SGMS2: variants seen among roughly 807,000 people sequenced by gnomAD.
SGMS2 encodes the protein sphingomyelin synthase 2.
SGMS2 carries 21 observed loss-of-function variants against 43.8 expected under a neutral mutation model. The ratio of observed to expected loss-of-function variants is 0.48; its 90% confidence interval spans 0.34 to 0.69. The LOEUF (loss-of-function observed/expected upper bound fraction) is 0.69, where lower values mean the gene tolerates loss of function less well. Among genes scored for constraint, SGMS2 ranks in the 30% least tolerant of loss-of-function variants. SGMS2 has a pLI of 0.01. For synonymous variants in SGMS2, 167 were observed against 160.6 expected, an observed-to-expected ratio of 1.04 and a Z score of -0.30; for missense variants, 384 against 443.2, an observed-to-expected ratio of 0.87 and a Z score of 1.20.
intron 1 of SGMS2, among the ~76,000 whole-genome samples, chr4:107,856,453 A>C (rs1021722246): frequency 6.6e-6 from 1 of 152,210 alleles, no homozygotes; most frequent in Non-Finnish European, 1.5e-5. Context: ...TAACTGAATA[A>C]AATCTATAAG....
At chr4:107,856,011 T>A (rs966918543) in intron 1 of SGMS2, among the ~76,000 whole-genome samples, 1 of 152,100 alleles carries the variant, frequency 6.6e-6, no homozygotes, top group Non-Finnish European at 1.5e-5. Flanking sequence ...TTCATAAACA[T>A]CAAGCTTTGC....
intron 5 of SGMS2, among the ~76,000 whole-genome samples, chr4:107,903,691 T>C (rs1444923727): frequency 6.6e-6 from 1 of 152,206 alleles, no homozygotes; most frequent in Non-Finnish European, 1.5e-5. Context: ...CTTCTTAAGG[T>C]ATGAAAAGCT....
intron 5 of SGMS2, among the ~76,000 whole-genome samples, chr4:107,905,917 G>T (rs981216186): frequency 3.2e-4 from 48 of 152,220 alleles, no homozygotes; most frequent in African/African-American, 1.1e-3. Context: ...TTCTAAAATT[G>T]TGTACATTTA....
At chr4:107,833,142 A>C (rs1351869419) in intron 1 of SGMS2, among the ~76,000 whole-genome samples, 1 of 152,198 alleles carries the variant, frequency 6.6e-6, no homozygotes, top group African/African-American at 2.4e-5. Context: ...GGAAGCATGC[A>C]TTCTCCCATC....
At chr4:107,879,980 CTGTT>C (rs1729220944) in intron 2 of SGMS2, among the ~76,000 whole-genome samples, 1 of 152,150 alleles carries the variant, frequency 6.6e-6, no homozygotes, top group South Asian at 2.1e-4. Context: ...TACTTTGTAT[CTGTT>C]TGTTAGGCCG....
intron 1 of SGMS2, among the ~76,000 whole-genome samples, chr4:107,840,853 T>TAGAAAAG (rs1428728619): frequency 6.6e-6 from 1 of 152,148 alleles, no homozygotes; most frequent in African/African-American, 2.4e-5. Context: ...GGTTAATCTC[T>TAGAAAAG]AGAAAAGAGT....
chr4:107,911,901 G>A lies in SGMS2; in HGVS notation c.*1348G>A, dbSNP rs528564713. The A allele has an allele frequency of 3.3e-5, 5 of 152,266 alleles. No homozygotes were observed. The highest frequency in any genetic ancestry group is 9.6e-5 in the African/African-American group (4 of 41,550). The allele number at this position is 152,266 out of a possible 1,614,324, so 9.4% of individuals were successfully genotyped here. ...GGATAATTCTTGGCTTAATTTCTTA[G>A]CTACTTGAAGGTTAATTTGCAAGAC... On this transcript the variant is annotated 3_prime_UTR_variant, in exon 7 of 7. Transcript: ENST00000690982.
intron 2 of SGMS2, among the ~76,000 whole-genome samples, chr4:107,876,150 C>T (rs1728899107): frequency 6.6e-6 from 1 of 152,106 alleles, no homozygotes; most frequent in Non-Finnish European, 1.5e-5. Context: ...TAGCACAGAG[C>T]ACAAAGCACA....
At chr4:107,854,006 T>C (rs1727291258) in intron 1 of SGMS2, among the ~76,000 whole-genome samples, 1 of 152,250 alleles carries the variant, frequency 6.6e-6, no homozygotes, top group Admixed American at 6.5e-5. Context: ...ATCTATTTTC[T>C]ATTCTCTTTA....
At chr4:107,872,412 G>A (rs1728615780) in intron 2 of SGMS2, among the ~76,000 whole-genome samples, 1 of 152,138 alleles carries the variant, frequency 6.6e-6, no homozygotes, top group Non-Finnish European at 1.5e-5. Context: ...TACATTAGCA[G>A]AATTCAAGCT....
chr4:107,867,690 G>A (rs1233665510), intron 2 of SGMS2: 1 of 152,184 alleles, frequency 6.6e-6, no homozygotes, highest in African/African-American at 2.4e-5. Context: ...GAATTGTGGA[G>A]ATGATTAAAT....
At chr4:107,866,530 C>T (rs1728136267) in intron 2 of SGMS2, among the ~76,000 whole-genome samples, 1 of 151,646 alleles carries the variant, frequency 6.6e-6, no homozygotes, top group South Asian at 2.1e-4. Flanking sequence ...CGCGCCATTG[C>T]ACTCCAGCCT....
intron 1 of SGMS2, among the ~76,000 whole-genome samples, chr4:107,846,269 C>A (rs1726810096): frequency 9.7e-6 from 1 of 103,518 alleles, no homozygotes; most frequent in African/African-American, 3.8e-5. Flanking sequence ...CCCCTCCCCC[C>A]ACCCCACAAT....
At position 107,884,620 on chromosome 4, in the gene SGMS2, T is replaced by C. The variant is rs902154598; in HGVS notation, c.-244-10690T>C. On this transcript the variant is annotated intron_variant, in intron 2 of 6. Coordinates refer to ENST00000690982, the MANE Select transcript of SGMS2 (RefSeq NM_001375905.1). ...CTCCCATTCTCACACATCTGCTCAC[T>C]GAGATAAATGTATAACTCATTGCCG... Among the ~76,000 whole-genome samples the C allele has an allele frequency of 5.9e-5, 9 of 152,204 alleles. No individual in the cohort carries two copies. In the South Asian group the frequency reaches 1.9e-3, roughly 32 times the overall value.
chr4:107,893,985 T>A (rs1159935749), intron 2 of SGMS2, among the ~76,000 whole-genome samples: 2 of 152,214 alleles, frequency 1.3e-5, no homozygotes, highest in Non-Finnish European at 2.9e-5. Context: ...CCTTTTAATT[T>A]GCCCTACATA....
chr4:107,876,809 A>G (rs1269030747), intron 2 of SGMS2, among the ~76,000 whole-genome samples: 1 of 152,212 alleles, frequency 6.6e-6, no homozygotes, highest in South Asian at 2.1e-4. Flanking sequence ...AGACAAGGAA[A>G]TATACTGTTG....
rs1316390970 is a variant in SGMS2 at position 107,912,341 on chromosome 4, A to C, written c.*1788A>C. On this transcript the variant is annotated 3_prime_UTR_variant, in exon 7 of 7. Transcript: ENST00000690982. ...ATCCTTGGCAGGCTTTGAAGCACAC[A>C]GAATTTTCTAGTATTTCTTATTAAA... 2.0e-5 allele frequency: 3 copies of C among 152,238 alleles called. No individual in the cohort carries two copies. Among genetic ancestry groups the C allele is most frequent in the African/African-American group, 7.2e-5 (3 of 41,476 alleles). 9.4% of individuals were successfully genotyped at this position (152,238 alleles called of 1,614,324 possible).
At chr4:107,876,930 C>T (rs1339014588) in intron 2 of SGMS2, among the ~76,000 whole-genome samples, 1 of 152,076 alleles carries the variant, frequency 6.6e-6, no homozygotes, top group Non-Finnish European at 1.5e-5. Flanking sequence ...TTTGCTTTTC[C>T]TTCTTCCCTG....
chr4:107,903,555 G>GTA (rs750017300), intron 5 of SGMS2, among the ~76,000 whole-genome samples, 169 bp downstream of exon 5: 1 of 151,884 alleles, frequency 6.6e-6, no homozygotes, highest in Admixed American at 6.6e-5. Flanking sequence ...GTGTGTGTCT[G>GTA]TATATATATA....
Sources: allele counts gnomAD v4.1 joint callset (sites outside exome capture counted in the v4.1 genomes callset), GRCh38; gene constraint gnomAD v4.1.1; transcripts MANE v1.5; gene names NCBI Gene and HGNC (gene_info 2026-07-23, HGNC 2026-07-21).